KMT2C: variants seen among roughly 807,000 people sequenced by gnomAD.
The protein encoded by KMT2C is histone-lysine N-methyltransferase 2C.
Under a neutral mutation model 507.9 loss-of-function variants are expected in KMT2C, and 88 were observed. The ratio of observed to expected loss-of-function variants is 0.17; its 90% confidence interval spans 0.15 to 0.21. The LOEUF (loss-of-function observed/expected upper bound fraction) is 0.21, where lower values mean the gene tolerates loss of function less well. KMT2C is among the 10% of genes least tolerant of loss of function. KMT2C has a pLI of 1.00. For synonymous variants in KMT2C, 2,049 were observed against 2,080.8 expected (o/e 0.98, Z 0.42); for missense variants, 4,954 against 5,957.8 (o/e 0.83, Z 5.55).
rs534959800 is a variant in KMT2C at position 152,315,141 on chromosome 7, C to G, written c.587G>C (p.Arg196Thr). The part of the protein sequence containing the change: ...NSAPRKQRGQ[R>T]KERSPQQNIV... Reference sequence around the variant, plus strand: ...ATTTAAAGTCGAAACTGCTTACTTTCTCTGTCCTCTTTGTTTTCGTGGTGC... The same window carrying G: ...ATTTAAAGTCGAAACTGCTTACTTTGTCTGTCCTCTTTGTTTTCGTGGTGC... Residue 196 changes from arginine (R) to threonine (T), a missense_variant, in exon 4 of 59, where the codon AGA becomes ACA. This residue lies in a region of KMT2C where 233 missense variants were observed against 263.6 expected (regional missense o/e 0.88). Coordinates refer to ENST00000262189, the MANE Select transcript of KMT2C (RefSeq NM_170606.3). 4.3e-6 allele frequency: 7 copies of G among 1,613,670 alleles called. No individual in the cohort carries two copies. In the South Asian group the frequency reaches 5.5e-5, roughly 13 times the overall value.
chr7:152,298,900 T>C (rs953961078), intron 6 of KMT2C, among the ~76,000 whole-genome samples: 1 of 152,214 alleles, frequency 6.6e-6, no homozygotes, highest in African/African-American at 2.4e-5. Flanking sequence ...GCTTTTATTA[T>C]AGATGAAGTG....
chr7:152,159,759 A>G (rs539745191), intron 43 of KMT2C, among the ~76,000 whole-genome samples: 1 of 152,348 alleles, frequency 6.6e-6, no homozygotes, highest in African/African-American at 2.4e-5. Context: ...CTTTAAGGGT[A>G]GTCCTATCAG....
intron 6 of KMT2C, among the ~76,000 whole-genome samples, chr7:152,295,596 CTG>C (rs1284243131): frequency 6.6e-6 from 1 of 152,192 alleles, no homozygotes; most frequent in African/African-American, 2.4e-5. Context: ...ATAATAGACA[CTG>C]TTTATTGCCT....
chr7:152,340,901 G>T (rs538076921), intron 2 of KMT2C, among the ~76,000 whole-genome samples: 2 of 151,802 alleles, frequency 1.3e-5, no homozygotes, highest in East Asian at 3.9e-4. Flanking sequence ...GCTAATAAAT[G>T]AAAAAAAATA....
chr7:152,396,453 C>T (rs1165447088), intron 1 of KMT2C, among the ~76,000 whole-genome samples: 1 of 152,082 alleles, frequency 6.6e-6, no homozygotes. Flanking sequence ...GCTTGGCATA[C>T]ATTAAACCAA....
intron 40 of KMT2C, among the ~76,000 whole-genome samples, chr7:152,169,556 G>A (rs530991331): frequency 1.0e-3 from 154 of 152,154 alleles, no homozygotes; most frequent in Non-Finnish European, 1.9e-3. Flanking sequence ...AATACTAAGC[G>A]AGAGATCTAT....
chr7:152,160,627 T>TATA (rs1563190830), intron 43 of KMT2C, among the ~76,000 whole-genome samples: 1 of 145,540 alleles, frequency 6.9e-6, no homozygotes, highest in African/African-American at 2.5e-5. Flanking sequence ...ATATATATAT[T>TATA]TATATATTTA....
chr7:152,374,008 T>G (rs970967937), intron 1 of KMT2C, among the ~76,000 whole-genome samples: 1 of 151,758 alleles, frequency 6.6e-6, no homozygotes, highest in African/African-American at 2.4e-5. Context: ...AATCGAACAA[T>G]GATATGAAAA....
Position 152,194,564 on chromosome 7 carries a change from A to C in KMT2C, c.4383T>G (p.Ile1461Met), listed in dbSNP as rs2093906479. 6.2e-7 allele frequency: 1 copy of C among 1,611,772 alleles called. No homozygotes were observed. The highest frequency in any genetic ancestry group is 1.3e-5 in the African/African-American group (1 of 74,842). ...AGGAAGGATCATCAGTGACAGGACC[A>C]ATATCTACAAGAGTAAGGAAAATAA... ...DLAKSVDHSD[I>M]GPVTDDPSSL... is the part of the protein sequence containing the mutation. Residue 1461 changes from isoleucine (I) to methionine (M), a missense_variant, in exon 29 of 59, where the codon ATT becomes ATG. Physicochemically the swap from Ile to Met is conservative, Grantham distance 10. This residue lies in a region of KMT2C where 140 missense variants were observed against 118.4 expected (regional missense o/e 1.18). Transcript: ENST00000262189.
chr7:152,263,492 G>A (rs566897433), intron 8 of KMT2C, among the ~76,000 whole-genome samples: 4 of 152,256 alleles, frequency 2.6e-5, no homozygotes, highest in South Asian at 2.1e-4. Context: ...TTGGCACAGC[G>A]AATTGAAAAG....
chr7:152,290,240 G>GTGTGTGTA (rs2096390085), intron 6 of KMT2C, among the ~76,000 whole-genome samples: 2 of 100,852 alleles, frequency 2.0e-5, no homozygotes, highest in African/African-American at 9.3e-5. Context: ...GTGTGTGTGT[G>GTGTGTGTA]TGTGTGTGTG....
chr7:152,334,848 T>G (rs2096919542), intron 2 of KMT2C, among the ~76,000 whole-genome samples: 1 of 152,176 alleles, frequency 6.6e-6, no homozygotes, highest in South Asian at 2.1e-4. Flanking sequence ...TCCTCAGAAA[T>G]ATTACATGAG....
At chr7:152,216,385 A>G (rs1027791046) in intron 23 of KMT2C, among the ~76,000 whole-genome samples, 3 of 152,230 alleles carry the variant, frequency 2.0e-5, no homozygotes, top group African/African-American at 7.2e-5. Flanking sequence ...AATAGAAACA[A>G]AAAGTCATAG....
intron 2 of KMT2C, among the ~76,000 whole-genome samples, chr7:152,335,695 T>C (rs959214109): frequency 1.4e-4 from 22 of 152,298 alleles, no homozygotes; most frequent in African/African-American, 5.1e-4. Context: ...AGAAAATACA[T>C]AGCACTTTTA....
chr7:152,298,871 A>C (rs921112307), intron 6 of KMT2C, among the ~76,000 whole-genome samples: 6 of 152,240 alleles, frequency 3.9e-5, no homozygotes, highest in African/African-American at 1.4e-4. Flanking sequence ...AGGGAGGAAA[A>C]GAAAGCAAAT....
At chr7:152,352,233 G>A (rs1180302410) in intron 2 of KMT2C, among the ~76,000 whole-genome samples, 1 of 152,176 alleles carries the variant, frequency 6.6e-6, no homozygotes, top group Non-Finnish European at 1.5e-5. Flanking sequence ...TTATTAGGAA[G>A]AGGATATCCC....
intron 6 of KMT2C, among the ~76,000 whole-genome samples, chr7:152,304,745 T>G (rs1279857309): frequency 6.6e-6 from 1 of 152,210 alleles, no homozygotes; most frequent in Non-Finnish European, 1.5e-5. Context: ...CTCACTATGT[T>G]GCTCAGGCTG....
intron 1 of KMT2C, among the ~76,000 whole-genome samples, chr7:152,393,390 A>G (rs2097515354): frequency 6.6e-6 from 1 of 152,228 alleles, no homozygotes; most frequent in African/African-American, 2.4e-5. Flanking sequence ...CTTTCTTAGC[A>G]TGCAAAAATT....
At chr7:152,213,815 C>T (rs1313437033) in intron 23 of KMT2C, among the ~76,000 whole-genome samples, 3 of 148,714 alleles carry the variant, frequency 2.0e-5, no homozygotes, top group African/African-American at 7.4e-5. Context: ...TATTGGCAAA[C>T]CACACATCTG....
Sources: gnomAD v4.1 joint callset for allele counts (sites outside exome capture counted in the v4.1 genomes callset) on GRCh38, gnomAD v4.1.1 for gene constraint, gnomAD v4.1.1 regional missense constraint, MANE v1.5 for transcripts, NCBI Gene and HGNC (gene_info 2026-07-23, HGNC 2026-07-21) for gene names.